The following SEC14L1 variants were observed in gnomAD, a reference collection of about 807,000 sequenced individuals.
The protein encoded by SEC14L1 is SEC14 like lipid binding 1.
A neutral mutation model predicts 85.3 loss-of-function variants in SEC14L1; 48 were observed. That is an observed-to-expected ratio of 0.56 (90% CI 0.45 to 0.72). The LOEUF (loss-of-function observed/expected upper bound fraction) is 0.72, where lower values mean the gene tolerates loss of function less well. Among genes scored for constraint, SEC14L1 ranks in the 30% least tolerant of loss-of-function variants. SEC14L1 has a pLI of 0.00. For missense variants in SEC14L1, 682 were observed against 921.4 expected, an observed-to-expected ratio of 0.74 and a Z score of 3.36; for synonymous variants, 391 against 355.5, an observed-to-expected ratio of 1.10 and a Z score of -1.12.
chr17:77,131,598 C>T (rs2143448045), intron 3 of SEC14L1, among the ~76,000 whole-genome samples: 1 of 152,288 alleles, frequency 6.6e-6, no homozygotes, highest in South Asian at 2.1e-4. Flanking sequence ...CCCCAGTGCT[C>T]ACTGTGTTCA....
intron 3 of SEC14L1, among the ~76,000 whole-genome samples, chr17:77,098,708 C>T (rs1054395669): frequency 3.3e-5 from 5 of 152,166 alleles, no homozygotes; most frequent in Non-Finnish European, 5.9e-5. Flanking sequence ...ACAAGGACCT[C>T]AGCCCTGGAT....
intron 3 of SEC14L1, among the ~76,000 whole-genome samples, chr17:77,165,511 G>C (rs891343333): frequency 2.0e-5 from 3 of 152,186 alleles, no homozygotes; most frequent in Non-Finnish European, 4.4e-5. Flanking sequence ...TCAGTGAGTA[G>C]AGGGGTGACT....
At chr17:77,198,472 C>G (rs978450153) in intron 8 of SEC14L1, among the ~76,000 whole-genome samples, 53 of 152,226 alleles carry the variant, frequency 3.5e-4, no homozygotes, top group African/African-American at 1.3e-3. Context: ...TTCAGAAAAC[C>G]GAACATAGTC....
chr17:77,207,003 T>G, intron 13 of SEC14L1, 141 bp downstream of exon 13: 1 of 851,552 alleles, frequency 1.2e-6, no homozygotes, highest in Non-Finnish European at 1.8e-6. Flanking sequence ...CCGCCATTTC[T>G]CTGATCCAGG....
chr17:77,139,658 C>T (rs374904162), upstream of SEC14L1, among the ~76,000 whole-genome samples: 2 of 152,034 alleles, frequency 1.3e-5, no homozygotes, highest in East Asian at 3.9e-4. Context: ...CCACCACGCC[C>T]GGCTAATCTG....
chr17:77,093,237 T>C (rs1428414773), intron 2 of SEC14L1: 1 of 152,202 alleles, frequency 6.6e-6, no homozygotes, highest in East Asian at 1.9e-4. Context: ...TATACTTTTC[T>C]TTGCAGGTCA....
intron 3 of SEC14L1, among the ~76,000 whole-genome samples, chr17:77,125,516 G>A (rs1020113272): frequency 2.0e-5 from 3 of 151,652 alleles, no homozygotes; most frequent in South Asian, 2.1e-4. Flanking sequence ...TAAACGGATA[G>A]AGGAATAAAT....
intron 3 of SEC14L1, among the ~76,000 whole-genome samples, chr17:77,164,578 C>T (rs1567904415): frequency 6.6e-6 from 1 of 152,212 alleles, no homozygotes; most frequent in African/African-American, 2.4e-5. Context: ...GGTCCATTGA[C>T]ACAAGAGCCC....
Position 77,194,846 on chromosome 17 carries a change from A to C in SEC14L1, c.644A>C (p.Glu215Ala), listed in dbSNP as rs1267626728. 1 of 1,614,182 alleles carries C rather than the reference A, an allele frequency of 6.2e-7. No homozygotes were observed. The highest frequency in any genetic ancestry group is 1.1e-5 in the South Asian group (1 of 91,084). The change falls in exon 7 of 17, where the codon GAG becomes GCG. Residue 215 changes from glutamate to alanine, a missense_variant. Physicochemically the swap from Glu to Ala is moderately radical, Grantham distance 107. This residue lies in a region of SEC14L1 where 123 missense variants were observed against 100.6 expected (regional missense o/e 1.22). Coordinates refer to ENST00000436233, the MANE Select transcript of SEC14L1 (RefSeq NM_001143998.2). ...GTCATCCCAGAAGCTGCCCTCAAGG[A>C]GGGGCTGAGTGGTGATGCCCTCAGC... Reference protein sequence around the residue: ...AVVIPEAALKEGLSGDALSSP... With the variant: ...AVVIPEAALKAGLSGDALSSP...
chr17:77,102,195 A>G (rs558937874), intron 3 of SEC14L1, among the ~76,000 whole-genome samples: 1 of 152,360 alleles, frequency 6.6e-6, no homozygotes, highest in African/African-American at 2.4e-5. Context: ...TGCAGAGACA[A>G]ATCTCCCGCT....
intron 3 of SEC14L1, among the ~76,000 whole-genome samples, chr17:77,105,949 A>C (rs1971904537): frequency 6.6e-6 from 1 of 151,732 alleles, no homozygotes; most frequent in African/African-American, 2.4e-5. Flanking sequence ...AATTATTTTG[A>C]GAGATTCTGT....
chr17:77,193,133 T>C (rs1229380584), intron 5 of SEC14L1, among the ~76,000 whole-genome samples: 1 of 152,176 alleles, frequency 6.6e-6, no homozygotes, highest in Non-Finnish European at 1.5e-5. Flanking sequence ...GACTGTTCAG[T>C]GAGTATGTTG....
chr17:77,178,650 G>A (rs978703370), intron 3 of SEC14L1, among the ~76,000 whole-genome samples: 27 of 152,200 alleles, frequency 1.8e-4, no homozygotes, highest in Non-Finnish European at 3.1e-4. Context: ...ATCAGGCATT[G>A]GATTCTCTTA....
intron 3 of SEC14L1, among the ~76,000 whole-genome samples, chr17:77,170,504 AGAGAG>A (rs1212278459): frequency 6.6e-6 from 1 of 152,208 alleles, no homozygotes; most frequent in Non-Finnish European, 1.5e-5. Context: ...TTGAGTCCTA[AGAGAG>A]GAAAGGGTGG....
At chr17:77,127,127 TCCCCTCA>T (rs1039149673) in intron 3 of SEC14L1, among the ~76,000 whole-genome samples, 3 of 151,700 alleles carry the variant, frequency 2.0e-5, no homozygotes, top group Non-Finnish European at 4.4e-5. Context: ...TTAAGTTCCC[TCCCCTCA>T]CCCCTCACCC....
In SEC14L1 at chr17:77,214,348, T is replaced by A. The variant is rs548129965; in HGVS notation, c.*325T>A. The A allele has an allele frequency of 3.7e-6, 4 of 1,071,598 alleles. No homozygotes were observed. In the East Asian group the frequency reaches 2.2e-4, roughly 58 times the overall value. 66.4% of individuals were successfully genotyped at this position (1,071,598 alleles called of 1,614,324 possible). A position where few individuals can be genotyped will look rare whatever the true frequency, so the allele number is the denominator to read the frequency against. ...TGGTCTCAGATATTGATGCAAAAAA[T>A]TTTTCCAACGAACTCCGCATTGTCC... On this transcript the variant is annotated 3_prime_UTR_variant, in exon 17 of 17. Transcript: ENST00000436233.
intron 3 of SEC14L1, among the ~76,000 whole-genome samples, chr17:77,115,793 A>G (rs988359245): frequency 3.9e-5 from 6 of 152,202 alleles, no homozygotes; most frequent in East Asian, 1.9e-4. Context: ...CTGTTTTCCA[A>G]GTATCTCAGA....
intron 8 of SEC14L1, among the ~76,000 whole-genome samples, chr17:77,199,798 CTA>C (rs765561922): frequency 5.9e-5 from 9 of 152,156 alleles, no homozygotes; most frequent in Non-Finnish European, 1.0e-4. Flanking sequence ...CTGATTTTCT[CTA>C]GAGTAGTAAG....
At chr17:77,134,251 C>CACT (rs749182986) in intron 3 of SEC14L1, among the ~76,000 whole-genome samples, 3 of 142,350 alleles carry the variant, frequency 2.1e-5, no homozygotes, top group Non-Finnish European at 4.6e-5. Context: ...CACACACACA[C>CACT]TTTTTTTTTT....
Sources: gnomAD v4.1 joint callset for allele counts (sites outside exome capture counted in the v4.1 genomes callset) on GRCh38, gnomAD v4.1.1 for gene constraint, gnomAD v4.1.1 regional missense constraint, MANE v1.5 for transcripts, NCBI Gene and HGNC (gene_info 2026-07-23, HGNC 2026-07-21) for gene names.